Variants in LRRK1 observed in about 807,000 individuals in gnomAD.
The protein encoded by LRRK1 is leucine rich repeat kinase 1, also known as leucine-rich repeat serine/threonine-protein kinase 1.
Under a neutral mutation model 209.1 loss-of-function variants are expected in LRRK1, and 113 were observed. That is an observed-to-expected ratio of 0.54 (90% CI 0.46 to 0.63). The LOEUF is 0.63. LRRK1 is among the 30% of genes least tolerant of loss of function. The pLI is 0.00. For synonymous variants in LRRK1, 1,144 were observed against 1,099.7 expected (o/e 1.04, Z -0.80); for missense variants, 2,284 against 2,632.2 (o/e 0.87, Z 2.89).
intron 2 of LRRK1, among the ~76,000 whole-genome samples, chr15:100,952,533 G>C (rs2042674998): frequency 6.6e-6 from 1 of 152,126 alleles, no homozygotes. Context: ...GGGAGTAACG[G>C]ATCTGATCAT....
At chr15:101,037,404 C>T (rs1223474918) in intron 20 of LRRK1, among the ~76,000 whole-genome samples, 2 of 152,174 alleles carry the variant, frequency 1.3e-5, no homozygotes, top group Non-Finnish European at 2.9e-5. Context: ...TGGGCAGTCC[C>T]TCAGCCCTAG....
chr15:101,050,948 C>T (rs2035394015), intron 23 of LRRK1, among the ~76,000 whole-genome samples: 1 of 152,214 alleles, frequency 6.6e-6, no homozygotes, highest in African/African-American at 2.4e-5. Context: ...ACAGCAGGTG[C>T]TGGGCAGTTT....
intron 20 of LRRK1, among the ~76,000 whole-genome samples, chr15:101,041,663 C>T (rs577237971): frequency 2.0e-5 from 3 of 152,172 alleles, no homozygotes; most frequent in Non-Finnish European, 4.4e-5. Flanking sequence ...CCTCCCAGCA[C>T]CCTCTGTACT....
chr15:101,021,775 CGTGTGT>C (rs3031683), intron 13 of LRRK1, 64 bp from the exon 14 acceptor site: 93,368 of 852,386 alleles, frequency 0.11, 1,946 homozygotes, highest in Non-Finnish European at 0.12. Context: ...CACGTGTGTG[CGTGTGT>C]GTGTGTGTGT....
In LRRK1 at chr15:101,027,628, T is replaced by C. The variant is rs772229837; in HGVS notation, c.2527-10T>C. On this transcript the variant is annotated splice_polypyrimidine_tract_variant and intron_variant, in intron 18 of 33. Coordinates refer to ENST00000388948, the MANE Select transcript of LRRK1 (RefSeq NM_024652.6). The surrounding 1 kb of genome is among the most constrained non-coding windows in gnomAD (Gnocchi z 5.1). ...CCTGAGAGACCCTGCCTCGCCCAACTGTCCCCCAGATCCCCAGGAGCTACC... is the reference window on the plus strand; with the variant it reads ...CCTGAGAGACCCTGCCTCGCCCAACCGTCCCCCAGATCCCCAGGAGCTACC... The C allele has an allele frequency of 1.2e-6, 2 of 1,610,084 alleles. No individual in the cohort carries two copies. Among genetic ancestry groups the C allele is most frequent in the Non-Finnish European group, 1.7e-6 (2 of 1,178,892 alleles).
chr15:100,926,353 T>A (rs1227007015), intron 2 of LRRK1, among the ~76,000 whole-genome samples: 1 of 152,150 alleles, frequency 6.6e-6, no homozygotes, highest in African/African-American at 2.4e-5. Flanking sequence ...ATCCTCCTGC[T>A]GCTCCTCTTC....
intron 3 of LRRK1, among the ~76,000 whole-genome samples, chr15:100,978,896 A>T (rs1429824566): frequency 1.3e-5 from 2 of 152,152 alleles, no homozygotes; most frequent in African/African-American, 4.8e-5. Flanking sequence ...CACTTTTATG[A>T]AGGCTGTATT....
rs1441786750 is a variant in LRRK1, at chr15:101,010,466, A to G, written c.1006A>G (p.Ile336Val). Reference protein sequence around the residue: ...IICSRLLEIDISSNKLSHLPP... With the variant: ...IICSRLLEIDVSSNKLSHLPP... Reference sequence around the variant, plus strand: ...CCATCGCAGGCTACTTGAAATTGACATTTCCAGCAACAAGTTGTCCCACCT... The same window carrying G: ...CCATCGCAGGCTACTTGAAATTGACGTTTCCAGCAACAAGTTGTCCCACCT... The change falls in exon 8 of 34, where the codon ATT becomes GTT. Residue 336 changes from isoleucine to valine, a missense_variant. Coordinates refer to ENST00000388948, the MANE Select transcript of LRRK1 (RefSeq NM_024652.6). 1 of 1,611,358 alleles carries G rather than the reference A, an allele frequency of 6.2e-7. No individual in the cohort carries two copies. The highest frequency in any genetic ancestry group is 8.5e-7 in the Non-Finnish European group (1 of 1,179,288).
At position 101,068,994 on chromosome 15, in the gene LRRK1, A is replaced by T; in HGVS notation, c.*146A>T. 1.3e-6 allele frequency: 1 copy of T among 773,712 alleles called. No homozygotes were observed. The highest frequency in any genetic ancestry group is 1.9e-6 in the Non-Finnish European group (1 of 520,876). 47.9% of individuals were successfully genotyped at this position (773,712 alleles called of 1,614,324 possible). A position where few individuals can be genotyped will look rare whatever the true frequency, so the allele number is the denominator to read the frequency against. ...TCCTTGCTGCTAAGAAGTGCTGAGA[A>T]GTTACTCGCCTGGCGGTGGCTCCAG... On this transcript the variant is annotated 3_prime_UTR_variant, in exon 34 of 34. Coordinates refer to ENST00000388948, the MANE Select transcript of LRRK1 (RefSeq NM_024652.6).
intron 27 of LRRK1, among the ~76,000 whole-genome samples, chr15:101,055,641 G>A (rs1375115558): frequency 2.0e-5 from 3 of 152,098 alleles, no homozygotes; most frequent in African/African-American, 2.4e-5. Context: ...CTTAAGTCCC[G>A]GCCACAGGGT....
rs765170615 is a variant in LRRK1, at chr15:101,024,990, C to G, written c.2232+23C>G. The G allele has an allele frequency of 1.2e-6, 2 of 1,606,262 alleles. No individual in the cohort carries two copies. The highest frequency in any genetic ancestry group is 1.7e-6 in the Non-Finnish European group (2 of 1,175,874). ...GAGGTGAGGACACCAGACGCCAGCCCTGCCATTTCAGTGCCCAGAGCTTTG... is the reference window on the plus strand; with the variant it reads ...GAGGTGAGGACACCAGACGCCAGCCGTGCCATTTCAGTGCCCAGAGCTTTG... On this transcript the variant is annotated intron_variant, in intron 16 of 33. Transcript: ENST00000388948. This position sits in a 1 kb window ranked among gnomAD's most constrained non-coding sequence, Gnocchi z 4.6.
intron 7 of LRRK1, among the ~76,000 whole-genome samples, chr15:101,009,877 C>T (rs2033151947): frequency 6.6e-6 from 1 of 152,226 alleles, no homozygotes; most frequent in African/African-American, 2.4e-5. Flanking sequence ...TGAGCCACCG[C>T]ACCTGGCCTG....
chr15:101,066,676 G>C lies in LRRK1; in HGVS notation c.5805G>C (p.Lys1935Asn). 1 of 1,614,240 alleles carries C rather than the reference G, an allele frequency of 6.2e-7. No homozygotes were observed. Among genetic ancestry groups the C allele is most frequent in the Non-Finnish European group, 8.5e-7 (1 of 1,180,046 alleles). ...ATGTTATCGTCATTGGCCTGGAGAA[G>C]GATTCTGGCGCCCAGCGGGGCCGAG... is the stretch of plus-strand genomic sequence containing the variant. ...GGDVIVIGLE[K>N]DSGAQRGRVI... Residue 1935 changes from lysine (K) to asparagine (N), a missense_variant, in exon 33 of 34, where the codon AAG becomes AAC. Around this residue, in one of 6 missense-constraint regions of LRRK1, gnomAD observed 643 missense variants for 695.9 expected, o/e 0.92. Coordinates refer to ENST00000388948, the MANE Select transcript of LRRK1 (RefSeq NM_024652.6).
At chr15:101,037,204 G>A (rs1158073242) in intron 20 of LRRK1, among the ~76,000 whole-genome samples, 1 of 152,212 alleles carries the variant, frequency 6.6e-6, no homozygotes, top group Admixed American at 6.5e-5. Flanking sequence ...GGAAAACCTT[G>A]TAGGTCCTGA....
chr15:101,020,607 C>A (rs905041242), intron 12 of LRRK1, among the ~76,000 whole-genome samples: 1 of 152,116 alleles, frequency 6.6e-6, no homozygotes, highest in Non-Finnish European at 1.5e-5. Flanking sequence ...AACTCCTGAC[C>A]TTGTGATCCC....
At chr15:101,042,751 C>A (rs1288583754) in intron 20 of LRRK1, among the ~76,000 whole-genome samples, 3 of 152,190 alleles carry the variant, frequency 2.0e-5, no homozygotes, top group African/African-American at 7.2e-5. Context: ...TGTGCAGACT[C>A]TTTATGAGCT....
chr15:101,055,150 G>C lies in LRRK1; in HGVS notation c.4259G>C (p.Gly1420Ala). Reference sequence around the variant, plus strand: ...ATTTCGAGGCAGTCATTCCATGAGGGCGCCCTAGGCGTGGAGGGCACTCCT... The same window carrying C: ...ATTTCGAGGCAGTCATTCCATGAGGCCGCCCTAGGCGTGGAGGGCACTCCT... The part of the protein sequence containing the change: ...YGISRQSFHE[G>A]ALGVEGTPGY... Residue 1420 changes from glycine (G) to alanine (A), a missense_variant, in exon 27 of 34, where the codon GGC (glycine) becomes GCC (alanine). Physicochemically the swap from Gly to Ala is moderately conservative, Grantham distance 60. Transcript: ENST00000388948. The C allele has an allele frequency of 3.1e-6, 5 of 1,612,640 alleles. No homozygotes were observed. The highest frequency in any genetic ancestry group is 4.2e-6 in the Non-Finnish European group (5 of 1,179,116).
At chr15:100,967,964 T>C (rs2030579921) in intron 2 of LRRK1, among the ~76,000 whole-genome samples, 1 of 152,194 alleles carries the variant, frequency 6.6e-6, no homozygotes, top group Non-Finnish European at 1.5e-5. Flanking sequence ...TTTTGACAAA[T>C]ACAGCAACTG....
intron 2 of LRRK1, 92 bp from the exon 3 acceptor site, chr15:100,973,712 C>T (rs2031102791): frequency 2.5e-6 from 3 of 1,182,804 alleles, no homozygotes; most frequent in Non-Finnish European, 3.2e-6. Flanking sequence ...GTGCAACGGG[C>T]CGCGCCGCCT....
Sources: gnomAD v4.1 joint callset for allele counts (sites outside exome capture counted in the v4.1 genomes callset) on GRCh38, gnomAD v4.1.1 for gene constraint, gnomAD v4.1.1 regional missense constraint, Gnocchi (gnomAD v3.1) non-coding constraint, MANE v1.5 for transcripts, NCBI Gene and HGNC (gene_info 2026-07-23, HGNC 2026-07-21) for gene names.